Variants in CSMD1 observed in about 807,000 individuals in gnomAD.
The protein encoded by CSMD1 is CUB and sushi domain-containing protein 1.
Under a neutral mutation model 417.5 loss-of-function variants are expected in CSMD1, and 213 were observed. That is an observed-to-expected ratio of 0.51 (90% confidence interval 0.46 to 0.57). The LOEUF (loss-of-function observed/expected upper bound fraction) is 0.57. CSMD1 is among the 20% of genes least tolerant of loss of function. The pLI, the probability that CSMD1 is intolerant of heterozygous loss-of-function variation, is 0.00. For missense variants in CSMD1, 6,923 were observed against 4,529.7 expected, an observed-to-expected ratio of 1.53 and a Z score of -15.17; for synonymous variants, 2,862 against 1,736.8, an observed-to-expected ratio of 1.65 and a Z score of -16.11.
chr8:3,359,411 A>T (rs1188871196), intron 20 of CSMD1, 71 bp from the exon 21 acceptor site: 1 of 1,127,748 alleles, frequency 8.9e-7, no homozygotes, highest in Non-Finnish European at 1.2e-6. Flanking sequence ...TAGCAAGAAT[A>T]AAAAGTGCTA....
rs1026383729 is a variant in CSMD1 at position 3,270,310 on chromosome 8, C to A, written c.4153+13834G>T. On this transcript the variant is annotated intron_variant, in intron 26 of 69. Transcript: ENST00000635120. Reference sequence around the variant, plus strand: ...TGACCTTGTGATCCGTCTGCCTTGGCCTCCCAAAGTCCTGGGATTACAGGC... The same window carrying A: ...TGACCTTGTGATCCGTCTGCCTTGGACTCCCAAAGTCCTGGGATTACAGGC... 2.2e-4 allele frequency among the ~76,000 whole-genome samples: 34 copies of A among 152,092 alleles called. 1 individual carries two copies. Among genetic ancestry groups the A allele is most frequent in the Admixed American group, 4.6e-4 (7 of 15,268 alleles).
At chr8:2,973,842 A>ATGGTAGAGGATGGTGGTAGAGGATGG (rs1585076314) in intron 56 of CSMD1, among the ~76,000 whole-genome samples, 4 of 150,930 alleles carry the variant, frequency 2.7e-5, no homozygotes, top group African/African-American at 9.8e-5. Context: ...GTAGAGGATG[A>ATGGTAGAGGATGGTGGTAGAGGATGG]TGGTAGAGGA....
Position 2,978,783 on chromosome 8 carries a change from G to C in CSMD1, c.8395C>G (p.Pro2799Ala). ...CGAATGGCATTTTCCACAAAGCCTG[G>C]ATCAGAACAGTTCACCACTAGAAAA... is the stretch of plus-strand genomic sequence containing the variant. Reference protein sequence around the residue: ...PTCRVVNCSDPGFVENAIRHG... With the variant: ...PTCRVVNCSDAGFVENAIRHG... Residue 2799 changes from proline to alanine, a missense_variant, in exon 55 of 70, where the codon CCA becomes GCA. By Grantham distance (27) the Pro-to-Ala change is conservative. Coordinates refer to ENST00000635120, the MANE Select transcript of CSMD1 (RefSeq NM_033225.6). The C allele has an allele frequency of 6.2e-7, 1 of 1,612,676 alleles. No individual in the cohort carries two copies.
chr8:3,986,611 C>A (rs1220279178), intron 5 of CSMD1, among the ~76,000 whole-genome samples: 1 of 152,132 alleles, frequency 6.6e-6, no homozygotes, highest in Non-Finnish European at 1.5e-5. Flanking sequence ...AGCCATGCAA[C>A]ATACCTAAAT....
intron 3 of CSMD1, among the ~76,000 whole-genome samples, chr8:4,367,540 T>G (rs913961313): frequency 1.3e-5 from 2 of 152,300 alleles, no homozygotes; most frequent in African/African-American, 4.8e-5. Flanking sequence ...TTAGCTAATG[T>G]GGGGCTCTTT....
chr8:3,655,340 T>C (rs1365514256), intron 7 of CSMD1, among the ~76,000 whole-genome samples: 1 of 152,258 alleles, frequency 6.6e-6, no homozygotes, highest in Non-Finnish European at 1.5e-5. Context: ...TTGTTTACTG[T>C]CATCTTCCCT....
intron 4 of CSMD1, among the ~76,000 whole-genome samples, chr8:4,014,046 T>C (rs187017125): frequency 4.6e-5 from 7 of 152,274 alleles, no homozygotes; most frequent in East Asian, 1.9e-4. Flanking sequence ...TTGATGTGTA[T>C]TGGAAATCAA....
intron 3 of CSMD1, among the ~76,000 whole-genome samples, chr8:4,125,066 G>A (rs1203320870): frequency 1.3e-5 from 2 of 151,716 alleles, no homozygotes; most frequent in South Asian, 2.1e-4. Context: ...AACACTCGCC[G>A]CTGCAGTCCA....
At chr8:3,095,613 AAAGTG>A (rs1198395136) in intron 47 of CSMD1, among the ~76,000 whole-genome samples, 6 of 152,230 alleles carry the variant, frequency 3.9e-5, no homozygotes, top group African/African-American at 1.4e-4. Flanking sequence ...TCAACTCAGT[AAAGTG>A]AATACAAACA....
chr8:4,330,257 T>G (rs1799794135), intron 3 of CSMD1, among the ~76,000 whole-genome samples: 1 of 123,976 alleles, frequency 8.1e-6, no homozygotes, highest in Admixed American at 8.9e-5. Context: ...CCAGTAGGAC[T>G]CTGTCTGGTT....
Position 4,038,255 on chromosome 8 carries a change from A to G in CSMD1, c.416-6156T>C, listed in dbSNP as rs187973465. Among the ~76,000 whole-genome samples, 598 of 152,276 alleles carry G rather than the reference A, an allele frequency of 3.9e-3. 3 individuals carry two copies. Among genetic ancestry groups the G allele is most frequent in the African/African-American group, 0.014 (576 of 41,572 alleles). On this transcript the variant is annotated intron_variant, in intron 3 of 69. Transcript: ENST00000635120. ...AATGGGAACAATGTGAATAAATAGA[A>G]ATAATTAAGAATAAATTAGAATATT...
intron 10 of CSMD1, among the ~76,000 whole-genome samples, chr8:3,544,087 C>A (rs1770106017): frequency 6.6e-6 from 1 of 152,038 alleles, no homozygotes; most frequent in African/African-American, 2.4e-5. Flanking sequence ...GGTGTTTGAA[C>A]CAGAGCGACT....
At chr8:3,553,160 T>C (rs1798992236) in intron 10 of CSMD1, among the ~76,000 whole-genome samples, 1 of 151,824 alleles carries the variant, frequency 6.6e-6, no homozygotes. Context: ...ACTCTGAATA[T>C]CTTTCATCAG....
intron 5 of CSMD1, among the ~76,000 whole-genome samples, chr8:3,951,495 A>G (rs1276130437): frequency 6.6e-6 from 1 of 152,186 alleles, no homozygotes; most frequent in East Asian, 1.9e-4. Context: ...TTGAATAACA[A>G]CTGGTTGACC....
At chr8:3,972,083 C>G (rs1037988366) in intron 5 of CSMD1, among the ~76,000 whole-genome samples, 3 of 152,050 alleles carry the variant, frequency 2.0e-5, no homozygotes, top group Non-Finnish European at 4.4e-5. Flanking sequence ...GTTGCCCAGG[C>G]TGATCCTGAC....
chr8:3,982,024 A>C (rs2130189474), intron 5 of CSMD1, among the ~76,000 whole-genome samples: 1 of 152,052 alleles, frequency 6.6e-6, no homozygotes, highest in Admixed American at 6.5e-5. Context: ...ACAAAAAATT[A>C]GCCTGGCGCG....
intron 3 of CSMD1, among the ~76,000 whole-genome samples, chr8:4,192,594 C>A (rs1166890490): frequency 5.3e-5 from 8 of 152,162 alleles, no homozygotes; most frequent in African/African-American, 1.7e-4. Context: ...ATCAGCTTTG[C>A]CCTATAATGA....
At chr8:4,335,814 A>G (rs1343826772) in intron 3 of CSMD1, among the ~76,000 whole-genome samples, 1 of 152,080 alleles carries the variant, frequency 6.6e-6, no homozygotes, top group Non-Finnish European at 1.5e-5. Context: ...TGGAAGATAC[A>G]ACATTACTCA....
At chr8:4,045,495 G>T (rs940791943) in intron 3 of CSMD1, among the ~76,000 whole-genome samples, 4 of 152,170 alleles carry the variant, frequency 2.6e-5, no homozygotes, top group African/African-American at 9.7e-5. Flanking sequence ...CCCCAGTTGG[G>T]GGAAGACCAG....
Sources: allele counts gnomAD v4.1 joint callset (sites outside exome capture counted in the v4.1 genomes callset), GRCh38; gene constraint gnomAD v4.1.1; transcripts MANE v1.5; gene names NCBI Gene and HGNC (gene_info 2026-07-23, HGNC 2026-07-21).